Variants in TECTA observed in about 807,000 individuals in gnomAD.
The protein encoded by TECTA is tectorin alpha.
A neutral mutation model predicts 216.8 loss-of-function variants in TECTA; 128 were observed. The observed-to-expected ratio is 0.59, with a 90% CI of 0.51 to 0.68. The LOEUF is 0.68. Ranked by LOEUF, TECTA falls within the 30% of genes least tolerant of loss-of-function variation. The pLI is 0.00. For missense variants in TECTA, 2,551 were observed against 2,786.2 expected (o/e 0.92, Z 1.90); for synonymous variants, 1,089 against 1,117.1 (o/e 0.97, Z 0.50).
At chr11:121,182,657 T>C (rs1486815011) in intron 20 of TECTA, among the ~76,000 whole-genome samples, 1 of 151,310 alleles carries the variant, frequency 6.6e-6, no homozygotes, top group Non-Finnish European at 1.5e-5. Context: ...GCCCCCCTGA[T>C]GGTACATGCA....
At chr11:121,155,506 G>C (rs966371083) in intron 13 of TECTA, among the ~76,000 whole-genome samples, 5 of 152,188 alleles carry the variant, frequency 3.3e-5, no homozygotes, top group Admixed American at 1.3e-4. Context: ...GAAGATGAAA[G>C]AATCAGCAAT....
chr11:121,166,854 G>A, intron 18 of TECTA, 74 bp downstream of exon 18: 1 of 1,558,510 alleles, frequency 6.4e-7, no homozygotes. Context: ...TTATTGTCCT[G>A]AAAACCAACT....
intron 7 of TECTA, among the ~76,000 whole-genome samples, chr11:121,124,324 G>A (rs75767606): frequency 1.3e-3 from 193 of 152,218 alleles, no homozygotes; most frequent in Non-Finnish European, 2.4e-3. Flanking sequence ...CTCATCTTCA[G>A]CCATCTCTTC....
chr11:121,175,569 A>G (rs898603039), intron 20 of TECTA, among the ~76,000 whole-genome samples: 25 of 152,012 alleles, frequency 1.6e-4, no homozygotes, highest in African/African-American at 6.0e-4. Flanking sequence ...GTTTGTTATA[A>G]TTTCTGTTCT....
chr11:121,102,234 C>T (rs543989291), intron 1 of TECTA, among the ~76,000 whole-genome samples: 3 of 152,160 alleles, frequency 2.0e-5, no homozygotes, highest in Non-Finnish European at 4.4e-5. Flanking sequence ...TGATGGAAAG[C>T]TGTAGTGAAA....
At chr11:121,109,873 C>A in intron 4 of TECTA, 1 of 261,772 alleles carries the variant, frequency 3.8e-6, no homozygotes, top group South Asian at 4.7e-5. Context: ...TTTTCTCTTG[C>A]CCGAGGTACA....
intron 11 of TECTA, among the ~76,000 whole-genome samples, chr11:121,140,064 C>A (rs1946769381): frequency 6.6e-6 from 1 of 152,112 alleles, no homozygotes; most frequent in Non-Finnish European, 1.5e-5. Context: ...GCTCTTTGGC[C>A]TTTCTGCCTT....
At position 121,185,306 on chromosome 11, in the gene TECTA, A is replaced by G. The variant is rs142117781; in HGVS notation, c.6000-2526A>G. Among the ~76,000 whole-genome samples the G allele has an allele frequency of 2.7e-3, 406 of 150,828 alleles. 2 individuals carry two copies. Among genetic ancestry groups the G allele is most frequent in the African/African-American group, 9.5e-3 (389 of 40,846 alleles). On this transcript the variant is annotated intron_variant, in intron 20 of 23. Transcript: ENST00000392793. Reference sequence around the variant, plus strand: ...TGCTTAATGAATGAGTAGGGAAAGTAGATGTTCAATGCTTAATGAGTGAGT... The same window carrying G: ...TGCTTAATGAATGAGTAGGGAAAGTGGATGTTCAATGCTTAATGAGTGAGT...
At position 121,118,667 on chromosome 11, in the gene TECTA, G is replaced by C; in HGVS notation, c.1152G>C (p.Glu384Asp). The C allele has an allele frequency of 6.2e-7, 1 of 1,614,076 alleles. No homozygotes were observed. The highest frequency in any genetic ancestry group is 2.2e-5 in the East Asian group (1 of 44,890). Reference protein sequence around the residue: ...AVSWVKELSVEVNGYKILIPK... With the variant: ...AVSWVKELSVDVNGYKILIPK... Reference sequence around the variant, plus strand: ...CCTGGGTGAAGGAGCTCTCAGTGGAGGTGAATGGCTACAAGATTCTCATCC... The same window carrying C: ...CCTGGGTGAAGGAGCTCTCAGTGGACGTGAATGGCTACAAGATTCTCATCC... Residue 384 changes from glutamate to aspartate, a missense_variant, in exon 7 of 24, where the codon GAG (glutamate) becomes GAC (aspartate). By Grantham distance (45) the Glu-to-Asp change is conservative. Around this residue, in one of 3 missense-constraint regions of TECTA, gnomAD observed 2,375 missense variants for 2,563.9 expected, o/e 0.93. Coordinates refer to ENST00000392793, the MANE Select transcript of TECTA (RefSeq NM_005422.4).
At chr11:121,124,407 G>A (rs1946587291) in intron 7 of TECTA, among the ~76,000 whole-genome samples, 1 of 152,076 alleles carries the variant, frequency 6.6e-6, no homozygotes, top group South Asian at 2.1e-4. Context: ...TCCTGCCTCT[G>A]CTCTCTTGTC....
Position 121,113,920 on chromosome 11 carries a change from T to C in TECTA, c.790+202T>C, listed in dbSNP as rs531926949. On this transcript the variant is annotated intron_variant, in intron 6 of 23. Coordinates refer to ENST00000392793, the MANE Select transcript of TECTA (RefSeq NM_005422.4). The surrounding 1 kb of genome is among the most constrained non-coding windows in gnomAD (Gnocchi z 4.2). ...AACACTGCATTCACTACCTTGTGGC[T>C]TTGGAAGTCCTTTTCTGGAGTGTGC... Among the ~76,000 whole-genome samples the C allele has an allele frequency of 1.3e-5, 2 of 152,332 alleles. No homozygotes were observed. The highest frequency in any genetic ancestry group is 3.9e-4 in the East Asian group (2 of 5,192).
At chr11:121,106,098 A>C (rs1477299374) in intron 3 of TECTA, 134 bp downstream of exon 3, 1 of 1,340,124 alleles carries the variant, frequency 7.5e-7, no homozygotes, top group African/African-American at 1.4e-5. Context: ...ACAAGTTCTG[A>C]GATTTCATGA....
intron 20 of TECTA, among the ~76,000 whole-genome samples, chr11:121,176,673 GA>G (rs1224944077): frequency 1.3e-5 from 2 of 150,116 alleles, no homozygotes; most frequent in Non-Finnish European, 2.9e-5. Context: ...TCTTCTTGAG[GA>G]GTATCTTTGT....
At chr11:121,141,246 C>T (rs1300824600) in intron 11 of TECTA, among the ~76,000 whole-genome samples, 1 of 152,246 alleles carries the variant, frequency 6.6e-6, no homozygotes, top group East Asian at 1.9e-4. Context: ...TATTAGTCAC[C>T]ATCTCTCCCT....
intron 20 of TECTA, among the ~76,000 whole-genome samples, chr11:121,171,301 AAT>A (rs1420109150): frequency 9.9e-5 from 15 of 152,146 alleles, no homozygotes; most frequent in African/African-American, 3.6e-4. Flanking sequence ...GTTTTTATAC[AAT>A]ACCATGCTGT....
intron 23 of TECTA, among the ~76,000 whole-genome samples, chr11:121,190,359 G>T (rs758556969): frequency 2.0e-5 from 3 of 152,068 alleles, no homozygotes; most frequent in Non-Finnish European, 2.9e-5. Context: ...CTGCCTCCCG[G>T]GTTCAAGCGA....
rs1291226166 is a variant in TECTA at position 121,137,473 on chromosome 11, G to C, written c.2994G>C (p.Glu998Asp). The C allele has an allele frequency of 1.2e-6, 2 of 1,613,910 alleles. No homozygotes were observed. Residue 998 changes from glutamate to aspartate, a missense_variant, in exon 11 of 24, where the codon GAG becomes GAC. By Grantham distance (45) the Glu-to-Asp change is conservative. Coordinates refer to ENST00000392793, the MANE Select transcript of TECTA (RefSeq NM_005422.4). ...SHFEECITCT[E>D]TCETLTLGPI... The stretch of plus-strand genomic sequence containing the variant: ...TTGAGGAGTGCATCACATGTACAGA[G>C]ACCTGTGAGACCCTTACCCTGGGCC...
rs996474342 is a variant in TECTA at position 121,162,518 on chromosome 11, T to C, written c.5272+148T>C. 6 of 1,131,324 alleles carry C rather than the reference T, an allele frequency of 5.3e-6. No homozygotes were observed. The African/African-American group carries it at 9.3e-5, about 18-fold the overall frequency. The allele number at this position is 1,131,324 out of a possible 1,614,324, so 70.1% of individuals were successfully genotyped here. A position where few individuals can be genotyped will look rare whatever the true frequency, so the allele number is the denominator to read the frequency against. The stretch of plus-strand genomic sequence containing the variant: ...GATTGGATAGTAGAGAGCTGTGAGC[T>C]GCAGCCGAGATTCAGTGACGGGCCC... On this transcript the variant is annotated intron_variant, in intron 16 of 23. Transcript: ENST00000392793.
chr11:121,179,425 T>C (rs1335013719), intron 20 of TECTA, among the ~76,000 whole-genome samples: 1 of 152,170 alleles, frequency 6.6e-6, no homozygotes, highest in Non-Finnish European at 1.5e-5. Flanking sequence ...TTTTTAAAAA[T>C]TTGTCAGGAC....
Sources: gnomAD v4.1 joint callset for allele counts (sites outside exome capture counted in the v4.1 genomes callset) on GRCh38, gnomAD v4.1.1 for gene constraint, gnomAD v4.1.1 regional missense constraint, Gnocchi (gnomAD v3.1) non-coding constraint, MANE v1.5 for transcripts, NCBI Gene and HGNC (gene_info 2026-07-23, HGNC 2026-07-21) for gene names.